MICU1: variants seen among roughly 807,000 people sequenced by gnomAD.
MICU1 encodes the protein calcium uptake protein 1, mitochondrial.
MICU1 carries 45 observed loss-of-function variants against 56.8 expected under a neutral mutation model. The ratio of observed to expected loss-of-function variants is 0.79; its 90% CI spans 0.62 to 1.02. MICU1 has a LOEUF of 1.02. Ranked by LOEUF, MICU1 falls within the 50% of genes least tolerant of loss-of-function variation. The pLI is 0.00. For synonymous variants in MICU1, 186 were observed against 195.1 expected (o/e 0.95, Z 0.39); for missense variants, 504 against 587.1 (o/e 0.86, Z 1.46).
intron 2 of MICU1, among the ~76,000 whole-genome samples, chr10:72,563,895 G>C (rs1840359794): frequency 6.6e-6 from 1 of 151,880 alleles, no homozygotes; most frequent in South Asian, 2.1e-4. Flanking sequence ...GGAATATCAA[G>C]GTCTTTAGAA....
intron 8 of MICU1, among the ~76,000 whole-genome samples, chr10:72,470,114 C>T (rs1027639934): frequency 6.6e-6 from 1 of 152,152 alleles, no homozygotes; most frequent in African/African-American, 2.4e-5. Flanking sequence ...TTAACCATTG[C>T]CCTGTTTTAC....
chr10:72,431,779 T>C (rs1589213583), intron 8 of MICU1, among the ~76,000 whole-genome samples: 1 of 152,198 alleles, frequency 6.6e-6, no homozygotes, highest in East Asian at 1.9e-4. Context: ...CCCAATGTAG[T>C]CTGCCAAATT....
intron 5 of MICU1, among the ~76,000 whole-genome samples, chr10:72,531,100 G>C (rs936664883): frequency 1.3e-5 from 2 of 152,034 alleles, no homozygotes; most frequent in Non-Finnish European, 2.9e-5. Flanking sequence ...TTTGTTAAAT[G>C]GTGTGCTAAA....
intron 1 of MICU1, among the ~76,000 whole-genome samples, chr10:72,610,742 A>G (rs897590602): frequency 6.6e-6 from 1 of 152,196 alleles, no homozygotes; most frequent in Non-Finnish European, 1.5e-5. Context: ...ACCCTATTGG[A>G]TAACAAAAGG....
At chr10:72,383,095 C>CATT (rs1047303707) in intron 10 of MICU1, among the ~76,000 whole-genome samples, 1 of 152,088 alleles carries the variant, frequency 6.6e-6, no homozygotes, top group Non-Finnish European at 1.5e-5. Context: ...TTTTAAAAAA[C>CATT]ATTAGTTGGG....
At chr10:72,436,142 T>C (rs1428061520) in intron 8 of MICU1, among the ~76,000 whole-genome samples, 1 of 152,226 alleles carries the variant, frequency 6.6e-6, no homozygotes, top group Non-Finnish European at 1.5e-5. Context: ...CAGTAGGGGC[T>C]GACAGACACC....
chr10:72,590,059 A>C (rs556392206), intron 1 of MICU1, among the ~76,000 whole-genome samples: 86 of 152,280 alleles, frequency 5.6e-4, no homozygotes, highest in African/African-American at 2.0e-3. Context: ...CCTTATCAGT[A>C]ATTACTTTAA....
intron 1 of MICU1, among the ~76,000 whole-genome samples, chr10:72,616,495 G>A (rs1224341999): frequency 6.6e-6 from 1 of 151,288 alleles, no homozygotes; most frequent in African/African-American, 2.4e-5. Context: ...GCTGAGGCAG[G>A]AGAATCACTT....
intron 2 of MICU1, among the ~76,000 whole-genome samples, chr10:72,563,553 G>C (rs1840351132): frequency 6.6e-6 from 1 of 152,194 alleles, no homozygotes; most frequent in East Asian, 1.9e-4. Flanking sequence ...AAGTAGAATG[G>C]GGGTTACCAG....
At chr10:72,408,769 T>C (rs1478026609) in intron 9 of MICU1, among the ~76,000 whole-genome samples, 1 of 152,226 alleles carries the variant, frequency 6.6e-6, no homozygotes, top group Admixed American at 6.5e-5. Flanking sequence ...GCTGAGCTTT[T>C]TGAGGCTTAA....
At chr10:72,465,503 C>CTTTTTTT (rs10586216) in intron 8 of MICU1, among the ~76,000 whole-genome samples, 1 of 57,748 alleles carries the variant, frequency 1.7e-5, no homozygotes, top group Admixed American at 3.1e-4. Context: ...CTGTTCAGGT[C>CTTTTTTT]TTTTTTTTTT....
intron 8 of MICU1, among the ~76,000 whole-genome samples, chr10:72,432,394 T>G (rs910766150): frequency 6.6e-6 from 1 of 152,210 alleles, no homozygotes; most frequent in African/African-American, 2.4e-5. Context: ...CCTTCCAGTG[T>G]GCTGGGATTA....
chr10:72,567,111 G>A (rs1175938183), intron 1 of MICU1, among the ~76,000 whole-genome samples: 1 of 152,042 alleles, frequency 6.6e-6, no homozygotes, highest in Non-Finnish European at 1.5e-5. Context: ...CACTTTGGGA[G>A]GCCAAAGAGA....
chr10:72,613,926 C>T (rs1461396699), intron 1 of MICU1, among the ~76,000 whole-genome samples: 1 of 152,120 alleles, frequency 6.6e-6, no homozygotes, highest in African/African-American at 2.4e-5. Flanking sequence ...GGGGGGATCA[C>T]CTGAGGTCAC....
intron 8 of MICU1, among the ~76,000 whole-genome samples, chr10:72,440,664 A>G (rs1398119967): frequency 6.6e-6 from 1 of 152,248 alleles, no homozygotes; most frequent in Non-Finnish European, 1.5e-5. Context: ...ACAAAGGGCT[A>G]ATATCCAGAA....
intron 3 of MICU1, among the ~76,000 whole-genome samples, chr10:72,557,937 C>T (rs998457451): frequency 2.0e-5 from 3 of 152,096 alleles, no homozygotes; most frequent in Non-Finnish European, 4.4e-5. Context: ...TTTTAATATT[C>T]GTGTTTTCCT....
intron 4 of MICU1, among the ~76,000 whole-genome samples, chr10:72,543,816 C>T (rs1763249601): frequency 6.6e-6 from 1 of 151,346 alleles, no homozygotes; most frequent in South Asian, 2.1e-4. Context: ...CACCAGTGCA[C>T]TCCAGCCTGG....
At chr10:72,598,546 G>A (rs563803198) in intron 1 of MICU1, among the ~76,000 whole-genome samples, 3 of 152,078 alleles carry the variant, frequency 2.0e-5, no homozygotes, top group African/African-American at 4.8e-5. Flanking sequence ...GTCAGCCACC[G>A]TGCCGGGCCT....
chr10:72,571,194 T>A (rs1840602294), intron 1 of MICU1, among the ~76,000 whole-genome samples: 1 of 152,116 alleles, frequency 6.6e-6, no homozygotes, highest in South Asian at 2.1e-4. Flanking sequence ...TGAAACCCTG[T>A]CTCTACTAAA....
Sources: allele counts gnomAD v4.1 joint callset (sites outside exome capture counted in the v4.1 genomes callset), GRCh38; gene constraint gnomAD v4.1.1; transcripts MANE v1.5; gene names NCBI Gene and HGNC (gene_info 2026-07-23, HGNC 2026-07-21).